The following FHIT variants were observed in gnomAD, a reference collection of about 807,000 sequenced individuals.
The protein encoded by FHIT is bis(5'-adenosyl)-triphosphatase.
Under a neutral mutation model 17.9 loss-of-function variants are expected in FHIT, and 19 were observed. That is an observed-to-expected ratio of 1.06 (90% CI 0.74 to 1.56). The LOEUF (loss-of-function observed/expected upper bound fraction) is 1.56. FHIT is among the 40% of genes most tolerant of loss of function. The pLI, the probability that FHIT is intolerant of heterozygous loss-of-function variation, is 0.00. For missense variants in FHIT, 248 were observed against 189.2 expected, an observed-to-expected ratio of 1.31 and a Z score of -1.82; for synonymous variants, 81 against 69.7, an observed-to-expected ratio of 1.16 and a Z score of -0.81.
intron 2 of FHIT, among the ~76,000 whole-genome samples, chr3:61,053,010 A>G (rs2034082668): frequency 6.6e-6 from 1 of 152,224 alleles, no homozygotes; most frequent in Admixed American, 6.5e-5. Flanking sequence ...AAATATTAAC[A>G]GAAAATGTGA....
At chr3:59,963,117 T>A (rs1559502228) in intron 7 of FHIT, among the ~76,000 whole-genome samples, 2 of 151,736 alleles carry the variant, frequency 1.3e-5, no homozygotes, top group South Asian at 2.1e-4. Context: ...TAAAAAAAAA[T>A]TTGCTGGGCA....
At chr3:60,164,567 G>T (rs1017780048) in intron 5 of FHIT, among the ~76,000 whole-genome samples, 1 of 151,980 alleles carries the variant, frequency 6.6e-6, no homozygotes, top group Non-Finnish European at 1.5e-5. Flanking sequence ...AACGCAGTCA[G>T]GGGGAGATGC....
At chr3:60,852,759 T>A (rs1029881337) in intron 3 of FHIT, among the ~76,000 whole-genome samples, 4 of 152,078 alleles carry the variant, frequency 2.6e-5, no homozygotes, top group Admixed American at 2.6e-4. Flanking sequence ...ATCTCAGTAC[T>A]TTGGGAGGCC....
At chr3:59,891,762 C>A (rs1703865956) in intron 8 of FHIT, among the ~76,000 whole-genome samples, 1 of 152,078 alleles carries the variant, frequency 6.6e-6, no homozygotes. Context: ...ATTGGATATT[C>A]CTGGATGTCT....
In FHIT at chr3:60,308,411, TAC is replaced by T. The variant is rs538784629; in HGVS notation, c.103+228447_103+228448del. On this transcript the variant is annotated intron_variant, in intron 5 of 9. Coordinates refer to ENST00000492590, the MANE Select transcript of FHIT (RefSeq NM_002012.4). ...AGAGGGAATAATTAGTATGGGCTGT[TAC>T]AGACCAGGAGGACATCATCCTTTCT... Among the ~76,000 whole-genome samples the T allele has an allele frequency of 1.9e-3, 293 of 151,880 alleles. 1 individual carries two copies. Among genetic ancestry groups the T allele is most frequent in the Non-Finnish European group, 3.1e-3 (214 of 67,952 alleles).
At chr3:59,841,311 G>A (rs1701525567) in intron 8 of FHIT, among the ~76,000 whole-genome samples, 1 of 152,224 alleles carries the variant, frequency 6.6e-6, no homozygotes, top group African/African-American at 2.4e-5. Context: ...TTCAAGGAGG[G>A]ACTTGGCCTC....
intron 5 of FHIT, among the ~76,000 whole-genome samples, chr3:60,057,391 C>A (rs2106909715): frequency 6.6e-6 from 1 of 152,250 alleles, no homozygotes; most frequent in African/African-American, 2.4e-5. Flanking sequence ...TGCCTCTCTG[C>A]TTAGAGGCCC....
chr3:59,933,493 C>A (rs1406640817), intron 7 of FHIT, among the ~76,000 whole-genome samples: 1 of 152,058 alleles, frequency 6.6e-6, no homozygotes, highest in African/African-American at 2.4e-5. Flanking sequence ...AGTAAGCACA[C>A]TGATGCTTAC....
At chr3:59,954,806 A>G (rs941190541) in intron 7 of FHIT, among the ~76,000 whole-genome samples, 2 of 152,220 alleles carry the variant, frequency 1.3e-5, no homozygotes, top group African/African-American at 4.8e-5. Context: ...GGTTTATTCC[A>G]ACTGGTTTCT....
At chr3:59,833,007 A>C (rs752745463) in intron 8 of FHIT, among the ~76,000 whole-genome samples, 3 of 152,146 alleles carry the variant, frequency 2.0e-5, no homozygotes, top group African/African-American at 2.4e-5. Context: ...TTAGGTTTCT[A>C]ATCTGGTTTA....
intron 5 of FHIT, among the ~76,000 whole-genome samples, chr3:60,401,906 T>G (rs1169417571): frequency 6.6e-6 from 1 of 152,048 alleles, no homozygotes; most frequent in East Asian, 1.9e-4. Context: ...AACAGTTGAG[T>G]GTTCTGGGTC....
chr3:61,161,653 T>C (rs2037699069), intron 2 of FHIT, among the ~76,000 whole-genome samples: 2 of 152,232 alleles, frequency 1.3e-5, no homozygotes, highest in Non-Finnish European at 2.9e-5. Flanking sequence ...ATGAAATGCA[T>C]TATTCTACTG....
chr3:60,926,322 C>A (rs2107339840), intron 3 of FHIT, among the ~76,000 whole-genome samples: 1 of 152,282 alleles, frequency 6.6e-6, no homozygotes, highest in African/African-American at 2.4e-5. Flanking sequence ...CACTCCTCAG[C>A]AAATGTAAAA....
intron 8 of FHIT, among the ~76,000 whole-genome samples, chr3:59,772,024 A>G (rs1290509235): frequency 1.3e-5 from 2 of 152,224 alleles, no homozygotes; most frequent in African/African-American, 2.4e-5. Context: ...ATGACACACT[A>G]AAACAAACAC....
chr3:60,666,691 C>T (rs1379202275), intron 4 of FHIT, among the ~76,000 whole-genome samples: 1 of 152,074 alleles, frequency 6.6e-6, no homozygotes, highest in Non-Finnish European at 1.5e-5. Context: ...TTGTTTGAGA[C>T]AGGATCTCCC....
At chr3:60,197,318 C>A (rs1271858837) in intron 5 of FHIT, among the ~76,000 whole-genome samples, 1 of 151,948 alleles carries the variant, frequency 6.6e-6, no homozygotes, top group Non-Finnish European at 1.5e-5. Flanking sequence ...AAAAAGAAAT[C>A]TCATTTAAAA....
At chr3:59,888,983 A>G (rs925631660) in intron 8 of FHIT, among the ~76,000 whole-genome samples, 1 of 152,026 alleles carries the variant, frequency 6.6e-6, no homozygotes, top group African/African-American at 2.4e-5. Context: ...CAAGAAACCT[A>G]CTCCCATGAT....
chr3:59,807,260 A>G (rs1700239561), intron 8 of FHIT, among the ~76,000 whole-genome samples: 4 of 152,188 alleles, frequency 2.6e-5, no homozygotes, highest in South Asian at 2.1e-4. Flanking sequence ...CCCAAATCCA[A>G]TGTCACACAT....
intron 4 of FHIT, among the ~76,000 whole-genome samples, chr3:60,671,981 T>A (rs1212861853): frequency 1.3e-5 from 2 of 152,128 alleles, no homozygotes; most frequent in Non-Finnish European, 2.9e-5. Flanking sequence ...TATTTGTTCT[T>A]AATTGACCCC....
Sources: allele counts gnomAD v4.1 joint callset (sites outside exome capture counted in the v4.1 genomes callset), GRCh38; gene constraint gnomAD v4.1.1; transcripts MANE v1.5; gene names NCBI Gene and HGNC (gene_info 2026-07-23, HGNC 2026-07-21).